Variants in MARCHF1 observed in about 807,000 individuals in gnomAD.
MARCHF1 encodes the protein E3 ubiquitin-protein ligase MARCHF1.
In MARCHF1, 40 loss-of-function variants were observed where a neutral mutation model predicts 54.2. The observed-to-expected ratio is 0.74, with a 90% confidence interval of 0.57 to 0.96. The LOEUF (loss-of-function observed/expected upper bound fraction) is 0.96. Among genes scored for constraint, MARCHF1 ranks in the 40% least tolerant of loss-of-function variants. The pLI is 0.00. For synonymous variants in MARCHF1, 236 were observed against 236.3 expected (o/e 1.00, Z 0.01); for missense variants, 586 against 656.5 (o/e 0.89, Z 1.17).
At chr4:164,139,905 CTCAT>C (rs1297571365) in intron 1 of MARCHF1, among the ~76,000 whole-genome samples, 2 of 152,128 alleles carry the variant, frequency 1.3e-5, no homozygotes, top group East Asian at 3.9e-4. Context: ...TCAAATTTGA[CTCAT>C]TCAAATTTCT....
chr4:163,797,295 TC>T (rs1182896720), intron 4 of MARCHF1, among the ~76,000 whole-genome samples: 1 of 151,874 alleles, frequency 6.6e-6, no homozygotes, highest in Non-Finnish European at 1.5e-5. Context: ...GATTTTTTTG[TC>T]TTTGGTATTA....
At chr4:163,701,742 T>C (rs1406981751) in intron 4 of MARCHF1, among the ~76,000 whole-genome samples, 1 of 152,146 alleles carries the variant, frequency 6.6e-6, no homozygotes, top group African/African-American at 2.4e-5. Context: ...GTAGAGAAAA[T>C]GTTGTTGGAA....
intron 3 of MARCHF1, among the ~76,000 whole-genome samples, chr4:163,922,981 GA>G (rs1751463523): frequency 6.6e-6 from 1 of 152,020 alleles, no homozygotes; most frequent in Admixed American, 6.6e-5. Flanking sequence ...TAGAGATAGA[GA>G]AAAAATTGTC....
At chr4:163,985,333 C>T (rs1213025422) in intron 3 of MARCHF1, among the ~76,000 whole-genome samples, 1 of 152,052 alleles carries the variant, frequency 6.6e-6, no homozygotes, top group East Asian at 1.9e-4. Flanking sequence ...CCTTCTCTAA[C>T]CCTTAATATC....
intron 1 of MARCHF1, among the ~76,000 whole-genome samples, chr4:164,303,948 C>A (rs549152924): frequency 6.6e-6 from 1 of 152,224 alleles, no homozygotes; most frequent in African/African-American, 2.4e-5. Flanking sequence ...CAAATAAAAG[C>A]TTTCCTATCC....
At chr4:164,037,337 C>T (rs1201790972) in intron 2 of MARCHF1, among the ~76,000 whole-genome samples, 2 of 151,744 alleles carry the variant, frequency 1.3e-5, no homozygotes, top group East Asian at 3.9e-4. Flanking sequence ...TAATTAGAGA[C>T]AAAAAGTGAT....
intron 2 of MARCHF1, among the ~76,000 whole-genome samples, chr4:164,108,856 G>A (rs944910914): frequency 3.3e-5 from 5 of 152,078 alleles, no homozygotes; most frequent in African/African-American, 9.6e-5. Context: ...CCTCTCTTAA[G>A]AGAATGGCAA....
intron 1 of MARCHF1, among the ~76,000 whole-genome samples, chr4:164,152,964 T>C (rs893462338): frequency 6.6e-6 from 1 of 152,052 alleles, no homozygotes; most frequent in African/African-American, 2.4e-5. Context: ...TTGATGTCTC[T>C]TGCCTTCCTA....
At chr4:163,888,481 CAT>C (rs1456648717) in intron 3 of MARCHF1, among the ~76,000 whole-genome samples, 1 of 152,148 alleles carries the variant, frequency 6.6e-6, no homozygotes, top group Non-Finnish European at 1.5e-5. Flanking sequence ...CTTTGAGTTC[CAT>C]ATTCCCAAAT....
At chr4:164,102,493 A>C (rs201359639) in intron 2 of MARCHF1, among the ~76,000 whole-genome samples, 1,975 of 144,260 alleles carry the variant, frequency 0.014, 29 homozygotes, top group African/African-American at 0.045. Flanking sequence ...TTCAACCCAG[A>C]ACTTCATATC....
At chr4:163,737,823 A>T (rs1398796741) in intron 4 of MARCHF1, among the ~76,000 whole-genome samples, 1 of 120,570 alleles carries the variant, frequency 8.3e-6, no homozygotes, top group African/African-American at 2.6e-5. Context: ...ACTGTAAACT[A>T]GTTCAACCAT....
In MARCHF1 at chr4:163,579,646, CT is replaced by C. The variant is rs1740154908; in HGVS notation, c.1191+6102del. The stretch of plus-strand genomic sequence containing the variant: ...CCTAGAGTGTTCTCAGTCACTTAGA[CT>C]TCCCTTAGGCTTCACATAATAATAG... On this transcript the variant is annotated intron_variant, in intron 8 of 9. Coordinates refer to ENST00000514618, the MANE Select transcript of MARCHF1 (RefSeq NM_001394959.1). Among the ~76,000 whole-genome samples the C allele has an allele frequency of 4.0e-5, 6 of 148,608 alleles. 1 individual carries two copies. The South Asian group carries it at 1.3e-3, about 32-fold the overall frequency.
chr4:163,896,754 C>T (rs772422690), intron 3 of MARCHF1, among the ~76,000 whole-genome samples: 2 of 152,114 alleles, frequency 1.3e-5, no homozygotes, highest in Non-Finnish European at 1.5e-5. Context: ...AATGGGAAAT[C>T]GCCTATTTTG....
intron 1 of MARCHF1, among the ~76,000 whole-genome samples, chr4:164,169,485 T>C (rs935292027): frequency 5.3e-5 from 8 of 152,052 alleles, no homozygotes; most frequent in African/African-American, 1.7e-4. Flanking sequence ...CAAAAAATCT[T>C]ACATCAAAAT....
chr4:163,627,893 G>T (rs549552726), intron 5 of MARCHF1, among the ~76,000 whole-genome samples: 100 of 151,884 alleles, frequency 6.6e-4, no homozygotes, highest in African/African-American at 2.3e-3. Flanking sequence ...GCAAGAAAAT[G>T]AATCTCAACC....
intron 1 of MARCHF1, among the ~76,000 whole-genome samples, chr4:164,278,540 C>T (rs1246663287): frequency 6.6e-6 from 1 of 152,116 alleles, no homozygotes; most frequent in East Asian, 1.9e-4. Flanking sequence ...TAGCTTATGC[C>T]AGAGCTGACC....
intron 2 of MARCHF1, among the ~76,000 whole-genome samples, chr4:164,048,932 T>A (rs1165871198): frequency 6.6e-6 from 1 of 152,154 alleles, no homozygotes; most frequent in Non-Finnish European, 1.5e-5. Context: ...TATAATTATC[T>A]TACATAAAAC....
chr4:164,188,420 C>T (rs1281684023), intron 1 of MARCHF1: 3 of 562,734 alleles, frequency 5.3e-6, no homozygotes, highest in African/African-American at 3.7e-5. Context: ...GCTGCTGCTA[C>T]TCGGTGAGGC....
chr4:164,167,357 C>T (rs541883005), intron 1 of MARCHF1, among the ~76,000 whole-genome samples: 3 of 151,748 alleles, frequency 2.0e-5, no homozygotes, highest in African/African-American at 7.2e-5. Flanking sequence ...CCTCCCTACC[C>T]AAAGCAACAT....
Sources: allele counts gnomAD v4.1 joint callset (sites outside exome capture counted in the v4.1 genomes callset), GRCh38; gene constraint gnomAD v4.1.1; transcripts MANE v1.5; gene names NCBI Gene and HGNC (gene_info 2026-07-23, HGNC 2026-07-21).